The following DCBLD2 variants were observed in gnomAD, a reference collection of about 807,000 sequenced individuals.
The protein encoded by DCBLD2 is discoidin, CUB and LCCL domain-containing protein 2.
A neutral mutation model predicts 86.8 loss-of-function variants in DCBLD2; 54 were observed. The observed-to-expected ratio is 0.62, with a 90% CI of 0.50 to 0.78. The LOEUF is 0.78. Ranked by LOEUF, DCBLD2 falls within the 30% of genes least tolerant of loss-of-function variation. The pLI is 0.00. For synonymous variants in DCBLD2, 354 were observed against 341.3 expected, an observed-to-expected ratio of 1.04 and a Z score of -0.41; for missense variants, 908 against 954.2, an observed-to-expected ratio of 0.95 and a Z score of 0.64.
chr3:98,901,025 G>C lies in DCBLD2; in HGVS notation c.205+97C>G, dbSNP rs1214636775. ...GTCCGGCCACGCACGAAAGCGCACCGCGCCTCCCTGCAGCGTCTGCAGATT... is the reference window on the plus strand; with the variant it reads ...GTCCGGCCACGCACGAAAGCGCACCCCGCCTCCCTGCAGCGTCTGCAGATT... On this transcript the variant is annotated intron_variant, in intron 1 of 15. Transcript: ENST00000326840. The C allele has an allele frequency of 3.3e-6, 5 of 1,521,120 alleles. No homozygotes were observed. The South Asian group carries it at 6.1e-5, about 18-fold the overall frequency. 94.2% of individuals were successfully genotyped at this position (1,521,120 alleles called of 1,614,324 possible). A position where few individuals can be genotyped will look rare whatever the true frequency, so the allele number is the denominator to read the frequency against.
intron 1 of DCBLD2, among the ~76,000 whole-genome samples, chr3:98,898,604 C>T (rs1390588837): frequency 6.6e-6 from 1 of 152,028 alleles, no homozygotes; most frequent in African/African-American, 2.4e-5. Flanking sequence ...AGAGTAAAAA[C>T]TCTACCTTGT....
At chr3:98,863,037 A>C (rs1943074687) in intron 2 of DCBLD2, among the ~76,000 whole-genome samples, 1 of 152,234 alleles carries the variant, frequency 6.6e-6, no homozygotes, top group South Asian at 2.1e-4. Flanking sequence ...AGGATACAAA[A>C]TCAATGTACA....
chr3:98,889,617 ATAACC>A (rs1406977151), intron 1 of DCBLD2, among the ~76,000 whole-genome samples: 1 of 152,024 alleles, frequency 6.6e-6, no homozygotes. Flanking sequence ...AGTTGAAAAA[ATAACC>A]TATAGGTAAA....
intron 13 of DCBLD2, among the ~76,000 whole-genome samples, chr3:98,806,119 T>G (rs1267962911): frequency 6.7e-6 from 1 of 149,992 alleles, no homozygotes; most frequent in African/African-American, 2.4e-5. Context: ...AATTAATTAA[T>G]TCAGGTATTT....
intron 3 of DCBLD2, among the ~76,000 whole-genome samples, chr3:98,827,502 A>G (rs1394140471): frequency 6.6e-6 from 1 of 152,228 alleles, no homozygotes; most frequent in Non-Finnish European, 1.5e-5. Flanking sequence ...TTGTAAGTGC[A>G]TGCAGTGCTG....
At chr3:98,848,540 T>C (rs1559785021) in intron 3 of DCBLD2, among the ~76,000 whole-genome samples, 3 of 152,202 alleles carry the variant, frequency 2.0e-5, no homozygotes, top group African/African-American at 7.2e-5. Context: ...TTTGAGGAAT[T>C]GCCACACTGT....
intron 3 of DCBLD2, among the ~76,000 whole-genome samples, chr3:98,832,667 C>A (rs1942344869): frequency 1.3e-5 from 2 of 152,144 alleles, no homozygotes; most frequent in African/African-American, 4.8e-5. Flanking sequence ...GCTTATCTGA[C>A]AAGAATCTTA....
At chr3:98,819,524 A>C (rs1313605139) in intron 7 of DCBLD2, 107 bp from the exon 8 acceptor site, 1 of 1,090,776 alleles carries the variant, frequency 9.2e-7, no homozygotes, top group East Asian at 2.6e-5. Flanking sequence ...CATACACTAC[A>C]CTAATAATAC....
intron 3 of DCBLD2, among the ~76,000 whole-genome samples, chr3:98,827,346 A>G (rs1246916010): frequency 6.6e-6 from 1 of 152,214 alleles, no homozygotes; most frequent in Non-Finnish European, 1.5e-5. Flanking sequence ...TTGAATTTCT[A>G]AGATTAATAG....
At chr3:98,862,124 A>C (rs1943055656) in intron 2 of DCBLD2, among the ~76,000 whole-genome samples, 1 of 152,202 alleles carries the variant, frequency 6.6e-6, no homozygotes, top group Non-Finnish European at 1.5e-5. Context: ...AAAATCTAGA[A>C]GAAATGGATA....
Position 98,811,487 on chromosome 3 carries a change from G to C in DCBLD2, c.1431C>G (p.Ala477=). ...GCATACCTTTGGCTATTTTTGGAGG[G>C]GCTGTAGTGTTTTTGAGGTCATTGC... is the stretch of plus-strand genomic sequence containing the variant. The part of the protein sequence containing the change: ...RNSNDLKNTT[A]PPKIAKGRAP... Residue 477 remains alanine (A), a synonymous_variant, in exon 11 of 16, where the codon GCC becomes GCG. Coordinates refer to ENST00000326840, the MANE Select transcript of DCBLD2 (RefSeq NM_080927.4). 6.2e-7 allele frequency: 1 copy of C among 1,613,540 alleles called. No individual in the cohort carries two copies. Among genetic ancestry groups the C allele is most frequent in the Non-Finnish European group, 8.5e-7 (1 of 1,179,660 alleles).
chr3:98,814,592 T>C (rs1257554785), intron 9 of DCBLD2: 1 of 152,114 alleles, frequency 6.6e-6, no homozygotes, highest in East Asian at 1.9e-4. Flanking sequence ...TGATATATTA[T>C]GAAAACAAAT....
chr3:98,834,142 C>T (rs199863560), intron 3 of DCBLD2, among the ~76,000 whole-genome samples: 111 of 124,854 alleles, frequency 8.9e-4, no homozygotes, highest in Non-Finnish European at 1.3e-3. Flanking sequence ...GAGTTGTTTT[C>T]TTTTTTTTTT....
chr3:98,805,253 T>C (rs531799326), intron 13 of DCBLD2, among the ~76,000 whole-genome samples: 17 of 152,240 alleles, frequency 1.1e-4, no homozygotes, highest in African/African-American at 3.9e-4. Flanking sequence ...GTGGAAAAGA[T>C]AATGAGTGTT....
At chr3:98,822,091 A>G in intron 6 of DCBLD2, 137 bp downstream of exon 6, 1 of 1,048,866 alleles carries the variant, frequency 9.5e-7, no homozygotes, top group Non-Finnish European at 1.5e-6. Context: ...CACTAATGTG[A>G]GTGCTTACTG....
chr3:98,856,527 G>A (rs1394205021), intron 2 of DCBLD2, among the ~76,000 whole-genome samples: 2 of 151,970 alleles, frequency 1.3e-5, no homozygotes, highest in African/African-American at 2.4e-5. Flanking sequence ...AACAAAAAAT[G>A]GGAATCCCTA....
intron 3 of DCBLD2, among the ~76,000 whole-genome samples, chr3:98,833,072 T>C (rs1179954437): frequency 1.3e-5 from 2 of 152,250 alleles, no homozygotes; most frequent in Admixed American, 1.3e-4. Context: ...ATCAGTGATT[T>C]GCAGATTTGG....
chr3:98,865,711 TA>T (rs1943130302), intron 2 of DCBLD2, among the ~76,000 whole-genome samples: 1 of 151,794 alleles, frequency 6.6e-6, no homozygotes, highest in Admixed American at 6.6e-5. Flanking sequence ...TTTCTTTTTT[TA>T]TATATATATT....
At chr3:98,834,850 C>G (rs1221975714) in intron 3 of DCBLD2, among the ~76,000 whole-genome samples, 1 of 152,262 alleles carries the variant, frequency 6.6e-6, no homozygotes, top group African/African-American at 2.4e-5. Context: ...GCTTTGACAT[C>G]TGGAACTTCC....
Sources: gnomAD v4.1 joint callset for allele counts (sites outside exome capture counted in the v4.1 genomes callset) on GRCh38, gnomAD v4.1.1 for gene constraint, MANE v1.5 for transcripts, NCBI Gene and HGNC (gene_info 2026-07-23, HGNC 2026-07-21) for gene names.